NEK9: variants seen among roughly 807,000 people sequenced by gnomAD.
NEK9 encodes the protein NIMA related kinase 9, also known as serine/threonine-protein kinase Nek9.
A neutral mutation model predicts 123.4 loss-of-function variants in NEK9; 75 were observed. The ratio of observed to expected loss-of-function variants is 0.61; its 90% CI spans 0.50 to 0.74. The LOEUF is 0.74. Ranked by LOEUF, NEK9 falls within the 30% of genes least tolerant of loss-of-function variation. The pLI is 0.00. For synonymous variants in NEK9, 438 were observed against 458.7 expected (o/e 0.95, Z 0.58); for missense variants, 952 against 1,214.4 (o/e 0.78, Z 3.21).
chr14:75,109,787 C>T lies in NEK9; in HGVS notation c.1080G>A (p.Gln360=), dbSNP rs773160849. The T allele has an allele frequency of 6.2e-7, 1 of 1,614,126 alleles. No individual in the cohort carries two copies. Among genetic ancestry groups the T allele is most frequent in the South Asian group, 1.1e-5 (1 of 91,076 alleles). ...AGCCACTCTTGATAACATCCAGTTT[C>T]TGGGGGGTGGATTTTCCACCACCCC... The part of the protein sequence containing the change: ...YVWGGGKSTP[Q]KLDVIKSGCS... The change falls in exon 10 of 22, where the codon CAG becomes CAA. Residue 360 remains glutamine (Q), a synonymous_variant. Transcript: ENST00000238616.
chr14:75,119,529 C>T (rs934046513), intron 4 of NEK9, among the ~76,000 whole-genome samples: 4 of 152,186 alleles, frequency 2.6e-5, no homozygotes, highest in Non-Finnish European at 4.4e-5. Context: ...AAAGTTGAGA[C>T]GGTCAGATGA....
chr14:75,101,656 C>A lies in NEK9; in HGVS notation c.1840+1G>T, dbSNP rs964615150. 2.5e-6 allele frequency: 4 copies of A among 1,601,258 alleles called. No homozygotes were observed. The highest frequency in any genetic ancestry group is 3.4e-6 in the Non-Finnish European group (4 of 1,168,546). On this transcript the variant is annotated splice_donor_variant, in intron 15 of 21. Transcript: ENST00000238616. LOFTEE classifies it high-confidence loss of function. ...TGTGATACAGTTGTAAATCAACTTA[C>A]CATCAATAGCAGCTGTGTGAGTCTT... is the stretch of plus-strand genomic sequence containing the variant.
intron 19 of NEK9, 103 bp downstream of exon 19, chr14:75,091,167 C>G (rs1488241110): frequency 2.2e-6 from 2 of 907,076 alleles, no homozygotes; most frequent in East Asian, 5.5e-5. Flanking sequence ...GGATGCACAA[C>G]AGTTTACTAG....
intron 13 of NEK9, among the ~76,000 whole-genome samples, chr14:75,104,637 C>T (rs1404476579): frequency 1.3e-5 from 2 of 151,810 alleles, no homozygotes; most frequent in African/African-American, 4.8e-5. Flanking sequence ...CGTGTGCCAC[C>T]ATGCCCAGTT....
chr14:75,118,973 A>T, intron 4 of NEK9, 38 bp from the exon 5 acceptor site: 2 of 1,138,494 alleles, frequency 1.8e-6, no homozygotes, highest in Non-Finnish European at 2.6e-6. Flanking sequence ...GTTCACACAG[A>T]TAATTGTTTT....
Position 75,092,044 on chromosome 14 carries a change from A to G in NEK9, c.2234-566T>C, listed in dbSNP as rs565785293. On this transcript the variant is annotated intron_variant, in intron 18 of 21. Transcript: ENST00000238616. ...GCTCAGGCTGGAGTGCAGTGGCCCGATCTTGGCTCACTGCAACCTCTGCCT... is the reference window on the plus strand; with the variant it reads ...GCTCAGGCTGGAGTGCAGTGGCCCGGTCTTGGCTCACTGCAACCTCTGCCT... 3.5e-4 allele frequency among the ~76,000 whole-genome samples: 53 copies of G among 151,918 alleles called. 1 individual carries two copies. The highest frequency in any genetic ancestry group is 2.3e-3 in the South Asian group (11 of 4,814).
intron 17 of NEK9, 49 bp downstream of exon 17, chr14:75,097,051 T>A (rs773824049): frequency 1.3e-6 from 2 of 1,534,100 alleles, no homozygotes; most frequent in Non-Finnish European, 1.8e-6. Flanking sequence ...CAGATGTGGG[T>A]CCATCCTCTG....
intron 19 of NEK9, among the ~76,000 whole-genome samples, chr14:75,089,016 G>A (rs1894120050): frequency 6.6e-6 from 1 of 152,200 alleles, no homozygotes; most frequent in African/African-American, 2.4e-5. Flanking sequence ...CTCTGTTCAC[G>A]CTCCTCAAAT....
At chr14:75,090,536 C>G (rs879481525) in intron 19 of NEK9, among the ~76,000 whole-genome samples, 1 of 151,702 alleles carries the variant, frequency 6.6e-6, no homozygotes, top group Non-Finnish European at 1.5e-5. Context: ...AGTAACTTTC[C>G]ATGAAAATAA....
chr14:75,127,181 G>T (rs1347679705), upstream of NEK9: 1 of 438,522 alleles, frequency 2.3e-6, no homozygotes, highest in East Asian at 3.9e-5. Flanking sequence ...GCAAAGTGAG[G>T]CCTCGGGCTA....
At chr14:75,117,115 G>A in intron 6 of NEK9, 80 bp downstream of exon 6, 1 of 1,450,052 alleles carries the variant, frequency 6.9e-7, no homozygotes, top group Non-Finnish European at 9.3e-7. Flanking sequence ...CAGAAGCCTG[G>A]GAATAGAGTT....
rs1566653565 is a variant in NEK9 at position 75,109,779 on chromosome 14, T to A, written c.1088A>T (p.Asp363Val). Residue 363 changes from aspartate to valine, a missense_variant, in exon 10 of 22, where the codon GAT becomes GTT. By Grantham distance (152) the Asp-to-Val change is radical. Transcript: ENST00000238616. The part of the protein sequence containing the change: ...GGGKSTPQKL[D>V]VIKSGCSARQ... ...GGCACTACAGCCACTCTTGATAACA[T>A]CCAGTTTCTGGGGGGTGGATTTTCC... 2.5e-6 allele frequency: 4 copies of A among 1,614,072 alleles called. No homozygotes were observed. Among genetic ancestry groups the A allele is most frequent in the Non-Finnish European group, 8.5e-7 (1 of 1,179,978 alleles).
chr14:75,120,691 C>G, intron 3 of NEK9, 111 bp from the exon 4 acceptor site: 5 of 809,084 alleles, frequency 6.2e-6, no homozygotes, highest in Non-Finnish European at 1.0e-5. Flanking sequence ...AGTTATGATT[C>G]AACATGACTT....
At chr14:75,088,922 C>T (rs561945255) in intron 19 of NEK9, among the ~76,000 whole-genome samples, 12 of 152,240 alleles carry the variant, frequency 7.9e-5, no homozygotes, top group Non-Finnish European at 1.0e-4. Context: ...TGAGCTGGGG[C>T]GCTCCAAGGA....
intron 18 of NEK9, among the ~76,000 whole-genome samples, chr14:75,093,476 T>C (rs1433339784): frequency 6.6e-6 from 1 of 152,168 alleles, no homozygotes; most frequent in Non-Finnish European, 1.5e-5. Context: ...TTTTTTGAGA[T>C]GGAGTCTCAC....
At position 75,107,345 on chromosome 14, in the gene NEK9, G is replaced by A. The variant is rs746024787; in HGVS notation, c.1325C>T (p.Thr442Ile). Residue 442 changes from threonine (T) to isoleucine (I), a missense_variant and splice_region_variant, in exon 11 of 22, where the codon ACT becomes ATT. Physicochemically the swap from Thr to Ile is moderately conservative, Grantham distance 89. Around this residue, in one of 4 missense-constraint regions of NEK9, gnomAD observed 698 missense variants for 875.6 expected, o/e 0.80. Coordinates refer to ENST00000238616, the MANE Select transcript of NEK9 (RefSeq NM_033116.6). The part of the protein sequence containing the change: ...SCGDDFTVCV[T>I]DEGQLYAFGS... ...GACACTTTCTGCTGATGGCTTACCA[G>A]TCACACAGACAGTGAAATCATCACC... 7.4e-6 allele frequency: 12 copies of A among 1,612,234 alleles called. No individual in the cohort carries two copies. Among genetic ancestry groups the A allele is most frequent in the Non-Finnish European group, 9.3e-6 (11 of 1,179,382 alleles).
intron 3 of NEK9, 147 bp from the exon 4 acceptor site, chr14:75,120,727 A>G: frequency 1.5e-6 from 1 of 651,474 alleles, no homozygotes; most frequent in Non-Finnish European, 2.6e-6. Context: ...CAGGTTGAGT[A>G]GGCAAAGAAA....
At chr14:75,114,399 C>A (rs1594846810) in intron 6 of NEK9, 86 bp from the exon 7 acceptor site, 2 of 1,034,152 alleles carry the variant, frequency 1.9e-6, no homozygotes, top group Non-Finnish European at 3.0e-6. Flanking sequence ...GTGTCTGTGA[C>A]CATTATTTAA....
chr14:75,102,503 A>G (rs1386260526), intron 14 of NEK9, among the ~76,000 whole-genome samples: 2 of 137,830 alleles, frequency 1.5e-5, no homozygotes, highest in Non-Finnish European at 3.1e-5. Context: ...GCCCGCCACC[A>G]CACCTGGCTG....
Sources: allele counts gnomAD v4.1 joint callset (sites outside exome capture counted in the v4.1 genomes callset), GRCh38; gene constraint gnomAD v4.1.1; regional missense constraint gnomAD v4.1.1; transcripts MANE v1.5; gene names NCBI Gene and HGNC (gene_info 2026-07-23, HGNC 2026-07-21).